Variants in STRIP2 observed in about 807,000 individuals in gnomAD.
The protein encoded by STRIP2 is striatin-interacting protein 2.
In STRIP2, 84 loss-of-function variants were observed where a neutral mutation model predicts 107.1. The ratio of observed to expected loss-of-function variants is 0.78; its 90% CI spans 0.66 to 0.94. STRIP2 has a LOEUF of 0.94. Ranked by LOEUF, STRIP2 falls within the 40% of genes least tolerant of loss-of-function variation. The pLI is 0.00. For missense variants in STRIP2, 888 were observed against 1,034.2 expected, an observed-to-expected ratio of 0.86 and a Z score of 1.94; for synonymous variants, 394 against 400.4, an observed-to-expected ratio of 0.98 and a Z score of 0.19.
rs1434024888 is a variant in STRIP2 at position 129,470,721 on chromosome 7, C to G, written c.1944+6C>G. 4.3e-6 allele frequency: 7 copies of G among 1,613,210 alleles called. No homozygotes were observed. Among genetic ancestry groups the G allele is most frequent in the Non-Finnish European group, 5.1e-6 (6 of 1,179,182 alleles). Reference sequence around the variant, plus strand: ...AGCTTACTACTGAAAGTCTGGTAAGCAGATGGGGATTTGGTAGCCTTTGAA... The same window carrying G: ...AGCTTACTACTGAAAGTCTGGTAAGGAGATGGGGATTTGGTAGCCTTTGAA... On this transcript the variant is annotated splice_donor_region_variant and intron_variant, in intron 18 of 20. Transcript: ENST00000249344.
At chr7:129,442,260 A>C (rs1417877393) in intron 2 of STRIP2, among the ~76,000 whole-genome samples, 1 of 152,220 alleles carries the variant, frequency 6.6e-6, no homozygotes. Flanking sequence ...TAAAGATAAA[A>C]TTGGGACAAA....
At chr7:129,468,322 C>A (rs571400100) in intron 17 of STRIP2, among the ~76,000 whole-genome samples, 2 of 152,114 alleles carry the variant, frequency 1.3e-5, no homozygotes, top group African/African-American at 4.8e-5. Flanking sequence ...GGAGAAGGAG[C>A]CTACTTATAT....
chr7:129,456,756 A>G, intron 9 of STRIP2, 114 bp downstream of exon 9: 1 of 1,047,314 alleles, frequency 9.5e-7, no homozygotes, highest in Non-Finnish European at 1.4e-6. Flanking sequence ...CATCCTGCCC[A>G]GGTTGGCCCT....
At chr7:129,451,049 G>A (rs921609301) in intron 3 of STRIP2, among the ~76,000 whole-genome samples, 1 of 138,870 alleles carries the variant, frequency 7.2e-6, no homozygotes, top group African/African-American at 2.7e-5. Context: ...CCATTCTCCT[G>A]CCTCAGCCTC....
intron 3 of STRIP2, among the ~76,000 whole-genome samples, chr7:129,446,917 C>T (rs1798052791): frequency 6.6e-6 from 1 of 152,162 alleles, no homozygotes; most frequent in Non-Finnish European, 1.5e-5. Context: ...GACTTGATGA[C>T]CCATAGTCAA....
chr7:129,455,197 A>C, intron 7 of STRIP2, 47 bp from the exon 8 acceptor site: 1 of 1,571,384 alleles, frequency 6.4e-7, no homozygotes, highest in Non-Finnish European at 8.6e-7. Context: ...AAAAGGTTTT[A>C]GCTGCCTCAT....
Position 129,450,458 on chromosome 7 carries a change from T to C in STRIP2, c.275-1155T>C, listed in dbSNP as rs1303762561. Among the ~76,000 whole-genome samples the C allele has an allele frequency of 3.9e-5, 6 of 152,208 alleles. No homozygotes were observed. The East Asian group carries it at 1.2e-3, about 29-fold the overall frequency. On this transcript the variant is annotated intron_variant, in intron 3 of 20. Transcript: ENST00000249344. Reference sequence around the variant, plus strand: ...TTTCATCCCATCTTCAACTTTGCCCTACTCTCAATAGTAATTTCATGTGCC... The same window carrying C: ...TTTCATCCCATCTTCAACTTTGCCCCACTCTCAATAGTAATTTCATGTGCC...
chr7:129,459,609 G>A, intron 12 of STRIP2, 29 bp downstream of exon 12: 1 of 1,588,960 alleles, frequency 6.3e-7, no homozygotes, highest in Non-Finnish European at 8.6e-7. Flanking sequence ...CAGTCTTCAG[G>A]GATAGGGAGC....
At position 129,485,953 on chromosome 7, in the gene STRIP2, G is replaced by T. The variant is rs754233209; in HGVS notation, c.*124G>T. On this transcript the variant is annotated 3_prime_UTR_variant, in exon 21 of 21. Coordinates refer to ENST00000249344, the MANE Select transcript of STRIP2 (RefSeq NM_020704.3). Reference sequence around the variant, plus strand: ...TCTTCTGGGGGCTCTTGGGCCTAAAGATGGTGCAAGGGTGGGATCCTGAAT... The same window carrying T: ...TCTTCTGGGGGCTCTTGGGCCTAAATATGGTGCAAGGGTGGGATCCTGAAT... 5.4e-6 allele frequency: 6 copies of T among 1,104,354 alleles called. No individual in the cohort carries two copies. Among genetic ancestry groups the T allele is most frequent in the Non-Finnish European group, 7.8e-6 (6 of 767,734 alleles). The allele number at this position is 1,104,354 out of a possible 1,614,324, so 68.4% of individuals were successfully genotyped here. A position where few individuals can be genotyped will look rare whatever the true frequency, so the allele number is the denominator to read the frequency against.
At chr7:129,467,092 A>G (rs559725597) in intron 16 of STRIP2, among the ~76,000 whole-genome samples, 1 of 152,274 alleles carries the variant, frequency 6.6e-6, no homozygotes, top group African/African-American at 2.4e-5. Flanking sequence ...AATTCTTTCT[A>G]TGTATTGGAG....
chr7:129,464,278 C>CT, intron 15 of STRIP2, 137 bp downstream of exon 15: 1 of 714,970 alleles, frequency 1.4e-6, no homozygotes, highest in Non-Finnish European at 2.4e-6. Flanking sequence ...CCAGTACCCC[C>CT]TTTCCCGTAC....
At chr7:129,439,755 C>T (rs1332414717) in intron 1 of STRIP2, among the ~76,000 whole-genome samples, 1 of 152,140 alleles carries the variant, frequency 6.6e-6, no homozygotes, top group African/African-American at 2.4e-5. Context: ...CAGACCATAG[C>T]TTTCATATAT....
At chr7:129,453,455 G>A in intron 5 of STRIP2, 108 bp downstream of exon 5, 2 of 1,389,088 alleles carry the variant, frequency 1.4e-6, no homozygotes, top group Non-Finnish European at 2.0e-6. Flanking sequence ...GAGGAACTGG[G>A]TCTACTCACA....
rs1584926736 is a variant in STRIP2, at chr7:129,434,591, G to T, written c.119G>T (p.Arg40Leu). 6.6e-7 allele frequency: 1 copy of T among 1,505,508 alleles called. No individual in the cohort carries two copies. Among genetic ancestry groups the T allele is most frequent in the East Asian group, 2.7e-5 (1 of 37,534 alleles). The allele number at this position is 1,505,508 out of a possible 1,614,324, so 93.3% of individuals were successfully genotyped here. A position where few individuals can be genotyped will look rare whatever the true frequency, so the allele number is the denominator to read the frequency against. The change falls in exon 1 of 21, where the codon CGG (arginine) becomes CTG (leucine). Residue 40 changes from arginine (R) to leucine (L), a missense_variant. Arg to Leu is a moderately radical substitution (Grantham distance 102). Transcript: ENST00000249344. ...CGCGAAGCGTTCCGAAGCCAGCGGCGGGAGTCAGAGGTGAGGAGCCCGGAA... is the reference window on the plus strand; with the variant it reads ...CGCGAAGCGTTCCGAAGCCAGCGGCTGGAGTCAGAGGTGAGGAGCCCGGAA... ...KGREAFRSQR[R>L]ESEGSVDCPT...
At chr7:129,462,902 A>G (rs34275118) in intron 13 of STRIP2, 64 bp from the exon 14 acceptor site, 343,521 of 1,400,038 alleles carry the variant, frequency 0.25, 46,369 homozygotes, top group Non-Finnish European at 0.28. Context: ...CCTCACAACC[A>G]AGAAAAAAAA....
At chr7:129,442,762 C>T (rs1307420483) in intron 2 of STRIP2, among the ~76,000 whole-genome samples, 1 of 152,162 alleles carries the variant, frequency 6.6e-6, no homozygotes, top group Non-Finnish European at 1.5e-5. Context: ...ACTTAAGACT[C>T]AAAAGCCCTG....
chr7:129,460,420 CT>C, intron 13 of STRIP2, 48 bp downstream of exon 13: 1 of 1,505,174 alleles, frequency 6.6e-7, no homozygotes, highest in Non-Finnish European at 9.2e-7. Context: ...GAAAACCTGT[CT>C]TCAGTGTTGT....
chr7:129,469,868 G>C (rs1798752125), intron 17 of STRIP2, among the ~76,000 whole-genome samples: 1 of 152,210 alleles, frequency 6.6e-6, no homozygotes. Flanking sequence ...GTTCAGATAG[G>C]TTGGTGTTCA....
At chr7:129,457,546 A>C (rs1200996091) in intron 9 of STRIP2, among the ~76,000 whole-genome samples, 1 of 152,242 alleles carries the variant, frequency 6.6e-6, no homozygotes, top group African/African-American at 2.4e-5. Flanking sequence ...GACCCACTTC[A>C]GTTTATCAAC....
Sources: gnomAD v4.1 joint callset for allele counts (sites outside exome capture counted in the v4.1 genomes callset) on GRCh38, gnomAD v4.1.1 for gene constraint, MANE v1.5 for transcripts, NCBI Gene and HGNC (gene_info 2026-07-23, HGNC 2026-07-21) for gene names.